Variants in NF2 observed in about 807,000 individuals in gnomAD.
The protein encoded by NF2 is NF2, moesin-ezrin-radixin like (MERLIN) tumor suppressor.
NF2 carries 8 observed loss-of-function variants against 83.7 expected under a neutral mutation model. The observed-to-expected ratio is 0.10, with a 90% CI of 0.06 to 0.17. The LOEUF is 0.17. Ranked by LOEUF, NF2 falls within the 10% of genes least tolerant of loss-of-function variation. The pLI is 1.00. For missense variants in NF2, 533 were observed against 744.4 expected (o/e 0.72, Z 3.31); for synonymous variants, 266 against 269.6 (o/e 0.99, Z 0.13).
intron 15 of NF2, chr22:29,683,623 CCAG>C: frequency 9.2e-7 from 1 of 1,091,534 alleles, no homozygotes; most frequent in Non-Finnish European, 1.1e-6. Context: ...TAAAGCAAAC[CCAG>C]AGCACAGGGT....
At chr22:29,677,230 G>A (rs1245989184) in intron 13 of NF2, among the ~76,000 whole-genome samples, 3 of 152,150 alleles carry the variant, frequency 2.0e-5, no homozygotes, top group Non-Finnish European at 4.4e-5. Flanking sequence ...TAAACACAGC[G>A]TTAAGGGACA....
At chr22:29,659,856 G>A (rs1367793476) in intron 7 of NF2, among the ~76,000 whole-genome samples, 1 of 152,178 alleles carries the variant, frequency 6.6e-6, no homozygotes, top group Non-Finnish European at 1.5e-5. Flanking sequence ...TAATGCAGTA[G>A]CTTTCATGGC....
rs6006206 is a variant in NF2, at chr22:29,617,390, T to G, written c.114+13278T>G. Among the ~76,000 whole-genome samples the G allele has an allele frequency of 3.9e-3, 598 of 152,286 alleles. 4 individuals carry two copies. Among genetic ancestry groups the G allele is most frequent in the African/African-American group, 0.014 (584 of 41,562 alleles). The stretch of plus-strand genomic sequence containing the variant: ...TATTGACATTTTGGCTGGATGATTC[T>G]TTGTTGTGGGGAGCTGTCTTGTATG... On this transcript the variant is annotated intron_variant, in intron 1 of 15. Coordinates refer to ENST00000338641, the MANE Select transcript of NF2 (RefSeq NM_000268.4).
intron 14 of NF2, 105 bp from the exon 15 acceptor site, chr22:29,681,334 C>T: frequency 6.9e-7 from 1 of 1,448,716 alleles, no homozygotes; most frequent in Non-Finnish European, 9.6e-7. Context: ...AACCCCAGGC[C>T]TCAAACCCTA....
chr22:29,677,661 G>T (rs1028973165), intron 13 of NF2, among the ~76,000 whole-genome samples: 1 of 152,154 alleles, frequency 6.6e-6, no homozygotes, highest in African/African-American at 2.4e-5. Flanking sequence ...ACCCTCACTG[G>T]GCACTGCCCC....
chr22:29,608,892 C>T (rs1173477891), intron 1 of NF2: 7 of 492,872 alleles, frequency 1.4e-5, no homozygotes, highest in Non-Finnish European at 2.6e-5. Flanking sequence ...CCCTTGGGAA[C>T]CAGTAGTATG....
chr22:29,613,845 C>T (rs865819599), intron 1 of NF2, among the ~76,000 whole-genome samples: 4 of 151,404 alleles, frequency 2.6e-5, no homozygotes, highest in African/African-American at 4.8e-5. Context: ...CTGCAACCTC[C>T]GCCTCCTGGG....
At chr22:29,664,514 C>T (rs1352184721) in intron 8 of NF2, among the ~76,000 whole-genome samples, 1 of 152,210 alleles carries the variant, frequency 6.6e-6, no homozygotes, top group Non-Finnish European at 1.5e-5. Flanking sequence ...ATCAGCTTCA[C>T]TCTCTCTTGC....
chr22:29,675,915 G>A (rs2066948694), intron 13 of NF2, among the ~76,000 whole-genome samples: 1 of 152,200 alleles, frequency 6.6e-6, no homozygotes, highest in Admixed American at 6.5e-5. Flanking sequence ...CAGGGTTTGA[G>A]GTGGGGAAAA....
Position 29,681,592 on chromosome 22 carries a change from C to T in NF2, c.1728C>T (p.Thr576=). The T allele has an allele frequency of 6.2e-7, 1 of 1,613,990 alleles. No individual in the cohort carries two copies. Among genetic ancestry groups the T allele is most frequent in the South Asian group, 1.1e-5 (1 of 91,084 alleles). Residue 576 remains threonine (T), a synonymous_variant, in exon 15 of 16, where the codon ACC becomes ACT. Coordinates refer to ENST00000338641, the MANE Select transcript of NF2 (RefSeq NM_000268.4). ...GGGGTGGCAGCAGCAAGCACAATAC[C>T]ATTAAAAAGGTACCCAGGGTCTCTT... The part of the protein sequence containing the change: ...SDRGGSSKHN[T]IKKLTLQSAK...
rs1218583580 is a variant in NF2 at position 29,621,043 on chromosome 22, A to T, written c.115-15708A>T. On this transcript the variant is annotated intron_variant, in intron 1 of 15. Coordinates refer to ENST00000338641, the MANE Select transcript of NF2 (RefSeq NM_000268.4). The stretch of plus-strand genomic sequence containing the variant: ...CTATCTATTCTGAAAGAGGCAGAAT[A>T]GGACAGGGACAGGTAGGTAGTGAGA... 2.6e-5 allele frequency among the ~76,000 whole-genome samples: 4 copies of T among 152,222 alleles called. No individual in the cohort carries two copies. In the East Asian group the frequency reaches 5.8e-4, roughly 22 times the overall value.
chr22:29,666,815 A>G (rs2147043535), intron 9 of NF2, among the ~76,000 whole-genome samples: 1 of 152,188 alleles, frequency 6.6e-6, no homozygotes, highest in African/African-American at 2.4e-5. Context: ...TGTCTCTACT[A>G]AAAATACAAA....
intron 13 of NF2, among the ~76,000 whole-genome samples, chr22:29,675,558 G>T (rs557711326): frequency 1.3e-5 from 2 of 151,988 alleles, no homozygotes; most frequent in South Asian, 4.2e-4. Flanking sequence ...TGTTCTCAGG[G>T]TGCACAGGTG....
intron 1 of NF2, among the ~76,000 whole-genome samples, chr22:29,619,381 GTTTT>G (rs1212285637): frequency 6.9e-6 from 1 of 144,450 alleles, no homozygotes; most frequent in Non-Finnish European, 1.5e-5. Flanking sequence ...TCTCCCATGG[GTTTT>G]TTTTGTTTGT....
chr22:29,639,356 G>GA, intron 3 of NF2, 144 bp downstream of exon 3: 1 of 1,007,724 alleles, frequency 9.9e-7, no homozygotes. Flanking sequence ...TTCTGTAATG[G>GA]AAAAAAGGCT....
At chr22:29,678,051 G>T (rs528816386) in intron 13 of NF2, 145 bp from the exon 14 acceptor site, 1,320 of 951,760 alleles carry the variant, frequency 1.4e-3, no homozygotes, top group Non-Finnish European at 2.0e-3. Flanking sequence ...GAAGTGGAGG[G>T]ATGGGGACTC....
intron 1 of NF2, among the ~76,000 whole-genome samples, chr22:29,614,103 A>G (rs568128711): frequency 1.3e-5 from 2 of 151,588 alleles, no homozygotes; most frequent in South Asian, 2.1e-4. Flanking sequence ...GGATAGCCAC[A>G]TGCAAAAAAA....
At position 29,661,282 on chromosome 22, in the gene NF2, C is replaced by T. The variant is rs2147009720; in HGVS notation, c.753C>T (p.Thr251=). Residue 251 remains threonine (T), a synonymous_variant, in exon 8 of 16, where the codon ACC becomes ACT. Transcript: ENST00000338641. The part of the protein sequence containing the change: ...LHIYDPENRL[T]PKISFPWNEI... Reference sequence around the variant, plus strand: ...TTTATGACCCTGAGAACAGACTGACCCCCAAGATCTCCTTCCCGTGGAATG... The same window carrying T: ...TTTATGACCCTGAGAACAGACTGACTCCCAAGATCTCCTTCCCGTGGAATG... 1 of 1,614,190 alleles carries T rather than the reference C, an allele frequency of 6.2e-7. No individual in the cohort carries two copies. The highest frequency in any genetic ancestry group is 8.5e-7 in the Non-Finnish European group (1 of 1,180,042).
chr22:29,680,947 T>G (rs1178775070), intron 14 of NF2, among the ~76,000 whole-genome samples: 2 of 72,668 alleles, frequency 2.8e-5, no homozygotes, highest in African/African-American at 7.9e-5. Flanking sequence ...TTCACGTATG[T>G]TTTTTTTTTG....
Sources: allele counts gnomAD v4.1 joint callset (sites outside exome capture counted in the v4.1 genomes callset), GRCh38; gene constraint gnomAD v4.1.1; transcripts MANE v1.5; gene names NCBI Gene and HGNC (gene_info 2026-07-23, HGNC 2026-07-21).